Variants in ILRUN observed in about 807,000 individuals in gnomAD.
ILRUN encodes protein ILRUN.
A neutral mutation model predicts 33.8 loss-of-function variants in ILRUN; 3 were observed. The ratio of observed to expected loss-of-function variants is 0.09; its 90% CI spans 0.04 to 0.23. The LOEUF (loss-of-function observed/expected upper bound fraction) is 0.23. Ranked by LOEUF, ILRUN falls within the 10% of genes least tolerant of loss-of-function variation. The probability of loss-of-function intolerance (pLI) is 1.00; values close to 1 mark genes in which losing one functional copy is unlikely to be tolerated. For missense variants in ILRUN, 210 were observed against 375.1 expected (o/e 0.56, Z 3.64); for synonymous variants, 124 against 138.9 (o/e 0.89, Z 0.75).
rs531842999 is a variant in ILRUN at position 34,683,417 on chromosome 6, T to C, written c.158+13029A>G. ...ATATGCACATATATACATATATATATACATATATATACATATATATATACA... is the reference window on the plus strand; with the variant it reads ...ATATGCACATATATACATATATATACACATATATATACATATATATATACA... On this transcript the variant is annotated intron_variant, in intron 1 of 4. Coordinates refer to ENST00000374023, the MANE Select transcript of ILRUN (RefSeq NM_024294.4). 9.1e-4 allele frequency among the ~76,000 whole-genome samples: 68 copies of C among 74,670 alleles called. 1 individual carries two copies. Among genetic ancestry groups the C allele is most frequent in the Admixed American group, 5.2e-3 (32 of 6,160 alleles). 49.0% of individuals were successfully genotyped at this position (74,670 alleles called of 152,430 possible).
chr6:34,599,136 C>A (rs374506131), intron 4 of ILRUN, among the ~76,000 whole-genome samples: 2 of 152,228 alleles, frequency 1.3e-5, no homozygotes, highest in Non-Finnish European at 2.9e-5. Flanking sequence ...GAACATTAGA[C>A]TCAAACTGGA....
chr6:34,615,471 C>T (rs1761866328), intron 3 of ILRUN, among the ~76,000 whole-genome samples: 1 of 152,156 alleles, frequency 6.6e-6, no homozygotes, highest in South Asian at 2.1e-4. Context: ...TGGCACACAC[C>T]TGTAATCCCA....
chr6:34,605,740 G>A (rs1016564278), intron 4 of ILRUN, among the ~76,000 whole-genome samples: 1 of 152,188 alleles, frequency 6.6e-6, no homozygotes, highest in Non-Finnish European at 1.5e-5. Context: ...TAAAATTTAA[G>A]GTGAACGCCA....
intron 3 of ILRUN, among the ~76,000 whole-genome samples, chr6:34,639,321 T>C (rs945614368): frequency 5.3e-5 from 8 of 152,194 alleles, no homozygotes; most frequent in Non-Finnish European, 1.2e-4. Context: ...GAAACCCCCA[T>C]AAGTGCGAGA....
At chr6:34,621,704 T>C (rs1472107321) in intron 3 of ILRUN, among the ~76,000 whole-genome samples, 1 of 151,860 alleles carries the variant, frequency 6.6e-6, no homozygotes, top group Non-Finnish European at 1.5e-5. Context: ...CTACTAAAAA[T>C]ACAAAAAATT....
chr6:34,653,581 T>C (rs73411984), intron 2 of ILRUN, among the ~76,000 whole-genome samples: 3,560 of 152,198 alleles, frequency 0.023, 101 homozygotes, highest in African/African-American at 0.064. Context: ...CAAAACAATG[T>C]TTTTCTTGTA....
chr6:34,621,480 A>C (rs940644056), intron 3 of ILRUN, among the ~76,000 whole-genome samples: 1 of 152,200 alleles, frequency 6.6e-6, no homozygotes, highest in African/African-American at 2.4e-5. Context: ...TGAATCCTTT[A>C]ATCTTAGCAT....
At chr6:34,693,045 T>C (rs900623226) in intron 1 of ILRUN, among the ~76,000 whole-genome samples, 11 of 152,010 alleles carry the variant, frequency 7.2e-5, no homozygotes, top group Non-Finnish European at 1.5e-4. Flanking sequence ...GCCACTGCAC[T>C]TCAGCCTGGG....
At chr6:34,654,859 G>C in intron 1 of ILRUN, 80 bp from the exon 2 acceptor site, 1 of 1,357,756 alleles carries the variant, frequency 7.4e-7, no homozygotes, top group East Asian at 2.5e-5. Context: ...GAAAAAGCCT[G>C]TTTCTTAGGG....
chr6:34,687,741 T>TATA (rs1763555505), intron 1 of ILRUN, among the ~76,000 whole-genome samples: 1 of 148,694 alleles, frequency 6.7e-6, no homozygotes. Flanking sequence ...AAAATATATA[T>TATA]TCCATTAAAC....
chr6:34,649,142 A>G lies in ILRUN; in HGVS notation c.314-2344T>C, dbSNP rs924682271. 4.6e-5 allele frequency among the ~76,000 whole-genome samples: 7 copies of G among 152,226 alleles called. No individual in the cohort carries two copies. The South Asian group carries it at 1.4e-3, about 31-fold the overall frequency. Reference sequence around the variant, plus strand: ...TCTGGGCTAGAAGAGTTATCCACCAACAACTCTGAAGTGTTCATTGGCTAT... The same window carrying G: ...TCTGGGCTAGAAGAGTTATCCACCAGCAACTCTGAAGTGTTCATTGGCTAT... On this transcript the variant is annotated intron_variant, in intron 2 of 4. Coordinates refer to ENST00000374023, the MANE Select transcript of ILRUN (RefSeq NM_024294.4).
chr6:34,658,741 G>C (rs1004402842), intron 1 of ILRUN, among the ~76,000 whole-genome samples: 7 of 152,104 alleles, frequency 4.6e-5, no homozygotes, highest in African/African-American at 1.7e-4. Context: ...TCAGGAGGCA[G>C]AGTTTGCAGT....
At chr6:34,614,457 A>AAT (rs1554183819) in intron 3 of ILRUN, among the ~76,000 whole-genome samples, 4 of 134,004 alleles carry the variant, frequency 3.0e-5, no homozygotes, top group Non-Finnish European at 6.1e-5. Context: ...TATATATATA[A>AAT]AATGTATATT....
intron 1 of ILRUN, among the ~76,000 whole-genome samples, chr6:34,677,531 T>C (rs1167251609): frequency 6.6e-6 from 1 of 151,652 alleles, no homozygotes; most frequent in African/African-American, 2.4e-5. Flanking sequence ...ATTTGAAATA[T>C]ATAATATGCA....
chr6:34,640,890 A>G (rs1288493765), intron 3 of ILRUN, among the ~76,000 whole-genome samples: 2 of 151,232 alleles, frequency 1.3e-5, no homozygotes, highest in African/African-American at 4.9e-5. Context: ...ACCAGCCTAG[A>G]CAACATGGTA....
At chr6:34,643,013 A>C (rs547864027) in intron 3 of ILRUN, among the ~76,000 whole-genome samples, 1 of 148,252 alleles carries the variant, frequency 6.7e-6, no homozygotes, top group East Asian at 2.0e-4. Flanking sequence ...AAAGAGAGAG[A>C]GGCCAGGCGC....
intron 1 of ILRUN, among the ~76,000 whole-genome samples, chr6:34,670,706 C>A (rs1401757866): frequency 6.6e-6 from 1 of 150,902 alleles, no homozygotes; most frequent in Non-Finnish European, 1.5e-5. Context: ...AAATACAAAA[C>A]TTAGCCAGGT....
chr6:34,590,875 A>G (rs977083050), intron 4 of ILRUN, among the ~76,000 whole-genome samples: 3 of 152,208 alleles, frequency 2.0e-5, no homozygotes, highest in Non-Finnish European at 4.4e-5. Context: ...AGATCAGTCA[A>G]TGCCAACCTT....
rs188031239 is a variant in ILRUN at position 34,655,839 on chromosome 6, T to C, written c.159-1060A>G. Among the ~76,000 whole-genome samples, 34 of 152,016 alleles carry C rather than the reference T, an allele frequency of 2.2e-4. No homozygotes were observed. The East Asian group carries it at 5.6e-3, about 25-fold the overall frequency. ...CCTATTTTCCCCACTTGCTCATCAG[T>C]GGTGTTTCTCTAACATTTTGGATTT... On this transcript the variant is annotated intron_variant, in intron 1 of 4. Transcript: ENST00000374023.
Sources: gnomAD v4.1 joint callset for allele counts (sites outside exome capture counted in the v4.1 genomes callset) on GRCh38, gnomAD v4.1.1 for gene constraint, MANE v1.5 for transcripts, NCBI Gene and HGNC (gene_info 2026-07-23, HGNC 2026-07-21) for gene names.